Variants in MAP3K20 observed in about 807,000 individuals in gnomAD.
MAP3K20 encodes HCCS-4.
MAP3K20 carries 40 observed loss-of-function variants against 85.7 expected under a neutral mutation model. The ratio of observed to expected loss-of-function variants is 0.47; its 90% CI spans 0.36 to 0.61. MAP3K20 has a LOEUF of 0.61. Ranked by LOEUF, MAP3K20 falls within the 20% of genes least tolerant of loss-of-function variation. The probability of loss-of-function intolerance (pLI) is 0.00; values close to 1 mark genes in which losing one functional copy is unlikely to be tolerated. For missense variants in MAP3K20, 817 were observed against 961.7 expected (o/e 0.85, Z 1.99); for synonymous variants, 325 against 327.7 (o/e 0.99, Z 0.09).
intron 2 of MAP3K20, among the ~76,000 whole-genome samples, chr2:173,167,105 C>CG (rs1689854372): frequency 6.6e-6 from 1 of 151,722 alleles, no homozygotes; most frequent in African/African-American, 2.4e-5. Flanking sequence ...TTAGTAGAGA[C>CG]GGGGTTTCAC....
intron 1 of MAP3K20, among the ~76,000 whole-genome samples, chr2:173,082,809 C>T (rs1480479872): frequency 1.3e-5 from 2 of 152,254 alleles, no homozygotes; most frequent in African/African-American, 2.4e-5. Flanking sequence ...ATGCCGTGGC[C>T]GTAGGTTGTA....
At chr2:173,241,120 T>G (rs1684770499) in intron 16 of MAP3K20, among the ~76,000 whole-genome samples, 1 of 152,176 alleles carries the variant, frequency 6.6e-6, no homozygotes, top group Admixed American at 6.5e-5. Flanking sequence ...GATGCTGGGA[T>G]GGTTAATGGG....
intron 5 of MAP3K20, among the ~76,000 whole-genome samples, chr2:173,187,932 C>G (rs1186635412): frequency 1.3e-5 from 2 of 152,168 alleles, no homozygotes; most frequent in African/African-American, 4.8e-5. Flanking sequence ...AATTATTTCC[C>G]TAGAATCATT....
At chr2:173,162,397 G>A (rs573825663) in intron 2 of MAP3K20, among the ~76,000 whole-genome samples, 46 of 151,936 alleles carry the variant, frequency 3.0e-4, no homozygotes, top group African/African-American at 1.0e-3. Context: ...TACAATTGTT[G>A]AGGACCGGCT....
At chr2:173,099,588 T>A (rs1207307770) in intron 2 of MAP3K20, among the ~76,000 whole-genome samples, 1 of 152,176 alleles carries the variant, frequency 6.6e-6, no homozygotes, top group African/African-American at 2.4e-5. Context: ...TTCACATTCT[T>A]TCCTTCACTT....
At chr2:173,221,846 T>C in intron 11 of MAP3K20, 1 of 1,028,202 alleles carries the variant, frequency 9.7e-7, no homozygotes, top group Non-Finnish European at 1.2e-6. Flanking sequence ...TAATGAATAC[T>C]TTTTAGTTTG....
chr2:173,131,604 C>T (rs1275392705), intron 2 of MAP3K20, among the ~76,000 whole-genome samples: 1 of 152,048 alleles, frequency 6.6e-6, no homozygotes, highest in African/African-American at 2.4e-5. Context: ...TTTATTTCAG[C>T]TAGGAAATTA....
chr2:173,164,245 C>A (rs554818994), intron 2 of MAP3K20, among the ~76,000 whole-genome samples: 1 of 152,062 alleles, frequency 6.6e-6, no homozygotes, highest in Admixed American at 6.6e-5. Flanking sequence ...TAATAATAGC[C>A]ATTCTAACTG....
intron 2 of MAP3K20, among the ~76,000 whole-genome samples, chr2:173,148,388 T>G (rs1689197921): frequency 6.6e-6 from 1 of 152,228 alleles, no homozygotes. Flanking sequence ...TTTCATGGCT[T>G]TCAGTCTAGG....
chr2:173,245,983 C>T (rs1684903915), intron 16 of MAP3K20, among the ~76,000 whole-genome samples: 3 of 152,166 alleles, frequency 2.0e-5, no homozygotes, highest in Admixed American at 1.3e-4. Flanking sequence ...CTGGAAGTTA[C>T]GACAATCAAA....
At chr2:173,142,181 A>G (rs1327896323) in intron 2 of MAP3K20, among the ~76,000 whole-genome samples, 1 of 152,212 alleles carries the variant, frequency 6.6e-6, no homozygotes, top group Non-Finnish European at 1.5e-5. Flanking sequence ...ACGTTAAAAT[A>G]TATAACACAT....
At chr2:173,087,519 A>C (rs1687175916) in intron 1 of MAP3K20, among the ~76,000 whole-genome samples, 1 of 152,240 alleles carries the variant, frequency 6.6e-6, no homozygotes, top group Non-Finnish European at 1.5e-5. Flanking sequence ...AGATAGAAAG[A>C]GTTCACTGAG....
intron 11 of MAP3K20, chr2:173,221,323 C>T (rs1259713776): frequency 6.2e-7 from 1 of 1,613,814 alleles, no homozygotes; most frequent in Non-Finnish European, 8.5e-7. Flanking sequence ...GGGATATCTT[C>T]TCAATGAACA....
rs577868984 is a variant in MAP3K20 at position 173,139,024 on chromosome 2, A to C, written c.160-30781A>C. Among the ~76,000 whole-genome samples the C allele has an allele frequency of 5.7e-4, 87 of 152,328 alleles. 1 individual carries two copies. The highest frequency in any genetic ancestry group is 1.0e-3 in the Admixed American group (16 of 15,300). On this transcript the variant is annotated intron_variant, in intron 2 of 19. Coordinates refer to ENST00000375213, the MANE Select transcript of MAP3K20 (RefSeq NM_016653.3). ...AGAAGTTCTGCTTAATGGCTGGCTT[A>C]AGTAACTTTTGTTAACGTTTGAACT...
chr2:173,239,824 A>G (rs1055715542), intron 16 of MAP3K20, among the ~76,000 whole-genome samples: 7 of 152,206 alleles, frequency 4.6e-5, no homozygotes, highest in African/African-American at 1.7e-4. Flanking sequence ...CTGATTCATA[A>G]GAGAAAGCAG....
chr2:173,178,948 T>C (rs1304999337), intron 3 of MAP3K20, among the ~76,000 whole-genome samples: 2 of 152,160 alleles, frequency 1.3e-5, no homozygotes, highest in African/African-American at 4.8e-5. Context: ...AAATTCCAAT[T>C]AGAATTTATC....
chr2:173,075,660 C>T (rs116356985), upstream of MAP3K20: 2,281 of 923,234 alleles, frequency 2.5e-3, 42 homozygotes, highest in African/African-American at 0.038. Context: ...CCTCCCCCCA[C>T]AGCAAGGCAG....
At chr2:173,105,325 T>C (rs564662200) in intron 2 of MAP3K20, among the ~76,000 whole-genome samples, 1 of 152,230 alleles carries the variant, frequency 6.6e-6, no homozygotes, top group South Asian at 2.1e-4. Flanking sequence ...TGATTGGCCA[T>C]GGGCTGTGAA....
At chr2:173,139,307 T>C (rs1688900418) in intron 2 of MAP3K20, among the ~76,000 whole-genome samples, 1 of 152,216 alleles carries the variant, frequency 6.6e-6, no homozygotes, top group South Asian at 2.1e-4. Flanking sequence ...GAAACATTAC[T>C]GCCACAAATG....
Sources: gnomAD v4.1 joint callset for allele counts (sites outside exome capture counted in the v4.1 genomes callset) on GRCh38, gnomAD v4.1.1 for gene constraint, MANE v1.5 for transcripts, NCBI Gene and HGNC (gene_info 2026-07-23, HGNC 2026-07-21) for gene names.